The following SAMD5 variants were observed in gnomAD, a reference collection of about 807,000 sequenced individuals.
SAMD5 encodes the protein sterile alpha motif domain containing 5, also known as sterile alpha motif domain-containing protein 5.
In SAMD5, 13 loss-of-function variants were observed where a neutral mutation model predicts 11.3. The observed-to-expected ratio is 1.15, with a 90% CI of 0.75 to 1.83. The LOEUF (loss-of-function observed/expected upper bound fraction) is 1.83, where lower values mean the gene tolerates loss of function less well. Among genes scored for constraint, SAMD5 ranks in the 40% most tolerant of loss-of-function variants. SAMD5 has a pLI of 0.00. For missense variants in SAMD5, 255 were observed against 239.1 expected, an observed-to-expected ratio of 1.07 and a Z score of -0.44; for synonymous variants, 129 against 111.3, an observed-to-expected ratio of 1.16 and a Z score of -1.00.
At chr6:147,676,554 A>T (rs1293304097) in intron 1 of SAMD5, among the ~76,000 whole-genome samples, 5 of 152,018 alleles carry the variant, frequency 3.3e-5, no homozygotes, top group Non-Finnish European at 7.4e-5. Flanking sequence ...ATTTCCTCCT[A>T]TTGGAAGGTG....
chr6:147,516,940 T>C (rs1788180451), intron 1 of SAMD5, among the ~76,000 whole-genome samples: 1 of 152,206 alleles, frequency 6.6e-6, no homozygotes, highest in East Asian at 1.9e-4. Flanking sequence ...CCGGATATTA[T>C]GTGTCCTTCT....
the SAMD5 span, among the ~76,000 whole-genome samples, chr6:147,937,525 GT>G: frequency 6.6e-6 from 1 of 152,186 alleles, no homozygotes; most frequent in African/African-American, 2.4e-5. Flanking sequence ...TCAGGAAAAT[GT>G]TTACAGAGAT....
chr6:147,526,293 T>G (rs1788338358), intron 1 of SAMD5, among the ~76,000 whole-genome samples: 1 of 152,222 alleles, frequency 6.6e-6, no homozygotes, highest in South Asian at 2.1e-4. Context: ...ATTCAGCAAA[T>G]ATTAATTGAG....
intron 1 of SAMD5, among the ~76,000 whole-genome samples, chr6:147,679,819 T>G (rs1032159370): frequency 2.0e-5 from 3 of 151,274 alleles, no homozygotes; most frequent in Admixed American, 6.6e-5. Flanking sequence ...TTTTTTTTTT[T>G]CATGTGGGTA....
chr6:147,594,192 C>A (rs1280932614), intron 1 of SAMD5, among the ~76,000 whole-genome samples: 1 of 152,140 alleles, frequency 6.6e-6, no homozygotes, highest in Non-Finnish European at 1.5e-5. Flanking sequence ...ACTTCCATTT[C>A]CTAGTCTGAA....
At chr6:147,580,067 G>A (rs62434731) in intron 1 of SAMD5, among the ~76,000 whole-genome samples, 20,236 of 152,174 alleles carry the variant, frequency 0.13, 1,629 homozygotes, top group Middle Eastern at 0.24. Flanking sequence ...ATGATAGGAA[G>A]AGTCTAACTC....
the SAMD5 span, among the ~76,000 whole-genome samples, chr6:147,871,432 T>G: frequency 6.6e-6 from 1 of 151,992 alleles, no homozygotes; most frequent in East Asian, 1.9e-4. Context: ...ATTTTCCCAC[T>G]GAAACGGAAA....
the SAMD5 span, among the ~76,000 whole-genome samples, chr6:147,783,539 G>A: frequency 2.0e-5 from 3 of 151,856 alleles, no homozygotes; most frequent in Non-Finnish European, 4.4e-5. Flanking sequence ...GGCTACAGAT[G>A]CCCACCACCA....
intron 1 of SAMD5, among the ~76,000 whole-genome samples, chr6:147,596,449 T>A (rs538131474): frequency 1.3e-5 from 2 of 152,364 alleles, no homozygotes; most frequent in Non-Finnish European, 2.9e-5. Context: ...TAATTGCTAC[T>A]CTGGCCAAAT....
chr6:147,888,811 G>T, the SAMD5 span, among the ~76,000 whole-genome samples: 2 of 151,600 alleles, frequency 1.3e-5, no homozygotes, highest in East Asian at 3.9e-4. Flanking sequence ...CTTGAACCCA[G>T]GAGGCAGAGG....
rs1789047052 is a variant in SAMD5, at chr6:147,566,671, A to G, written c.*2215A>G. The G allele has an allele frequency of 1.0e-6, 1 of 984,096 alleles. No individual in the cohort carries two copies. The allele number at this position is 984,096 out of a possible 1,614,324, so 61.0% of individuals were successfully genotyped here. A position where few individuals can be genotyped will look rare whatever the true frequency, so the allele number is the denominator to read the frequency against. On this transcript the variant is annotated 3_prime_UTR_variant, in exon 2 of 2. Coordinates refer to ENST00000367474, the MANE Select transcript of SAMD5 (RefSeq NM_001030060.3). ...GTGTCTGTGGTTAGAATTTGAAAAT[A>G]ACAATGCTCTGCTTAAAGTAAGAGT...
At chr6:147,515,237 A>G (rs1191181560) in intron 1 of SAMD5, among the ~76,000 whole-genome samples, 1 of 117,318 alleles carries the variant, frequency 8.5e-6, no homozygotes, top group Non-Finnish European at 1.6e-5. Context: ...AACACTGTGG[A>G]AAAAAGTGGG....
At chr6:147,532,607 C>T (rs1220580292) in intron 1 of SAMD5, among the ~76,000 whole-genome samples, 2 of 152,162 alleles carry the variant, frequency 1.3e-5, no homozygotes, top group African/African-American at 4.8e-5. Flanking sequence ...GTGCATGTGT[C>T]TTTTTCATAT....
the SAMD5 span, among the ~76,000 whole-genome samples, chr6:147,828,038 G>T: frequency 1.3e-5 from 2 of 151,710 alleles, no homozygotes; most frequent in South Asian, 2.1e-4. Flanking sequence ...TGCCCGCCTC[G>T]GCCTCCCAAA....
At chr6:147,603,272 G>A (rs1789650515) in intron 1 of SAMD5, among the ~76,000 whole-genome samples, 1 of 152,124 alleles carries the variant, frequency 6.6e-6, no homozygotes, top group Admixed American at 6.5e-5. Context: ...CAGGCCCACA[G>A]ATATATTACC....
intron 1 of SAMD5, among the ~76,000 whole-genome samples, chr6:147,713,208 C>T (rs1791423406): frequency 6.6e-6 from 1 of 152,220 alleles, no homozygotes; most frequent in Admixed American, 6.5e-5. Context: ...TCCTGACATA[C>T]AACTTTGACA....
chr6:147,954,327 G>A, the SAMD5 span, among the ~76,000 whole-genome samples: 6 of 152,148 alleles, frequency 3.9e-5, no homozygotes, highest in African/African-American at 1.4e-4. Context: ...TTGAGATAAC[G>A]TCATGGGGTG....
the SAMD5 span, among the ~76,000 whole-genome samples, chr6:147,864,760 G>A: frequency 6.6e-6 from 1 of 152,194 alleles, no homozygotes; most frequent in Non-Finnish European, 1.5e-5. Context: ...TAGAGAGAAA[G>A]ATGGTTACTT....
the SAMD5 span, among the ~76,000 whole-genome samples, chr6:147,883,403 C>T: frequency 5.9e-5 from 9 of 152,094 alleles, no homozygotes; most frequent in African/African-American, 1.9e-4. Flanking sequence ...AAGATACAGA[C>T]GATAAAGACT....
Sources: allele counts gnomAD v4.1 joint callset (sites outside exome capture counted in the v4.1 genomes callset), GRCh38; gene constraint gnomAD v4.1.1; transcripts MANE v1.5; gene names NCBI Gene and HGNC (gene_info 2026-07-23, HGNC 2026-07-21).